RNF170: variants seen among roughly 807,000 people sequenced by gnomAD.
The protein encoded by RNF170 is E3 ubiquitin-protein ligase RNF170.
In RNF170, 12 loss-of-function variants were observed where a neutral mutation model predicts 32.7. The observed-to-expected ratio is 0.37, with a 90% CI of 0.24 to 0.60. The LOEUF (loss-of-function observed/expected upper bound fraction) is 0.60, where lower values mean the gene tolerates loss of function less well. RNF170 is among the 20% of genes least tolerant of loss of function. RNF170 has a pLI of 0.72. For synonymous variants in RNF170, 91 were observed against 103.6 expected, an observed-to-expected ratio of 0.88 and a Z score of 0.74; for missense variants, 212 against 311.2, an observed-to-expected ratio of 0.68 and a Z score of 2.40.
chr8:42,869,663 G>C (rs1467702815), intron 4 of RNF170, among the ~76,000 whole-genome samples: 1 of 152,164 alleles, frequency 6.6e-6, no homozygotes, highest in African/African-American at 2.4e-5. Context: ...GTCCCAAAAA[G>C]TGATGAACAA....
chr8:42,851,113 C>T (rs191845559), downstream of RNF170: 2,757 of 1,443,552 alleles, frequency 1.9e-3, 4 homozygotes, highest in Non-Finnish European at 1.8e-3. Flanking sequence ...TCATGCCCTC[C>T]TTCCAGCTCC....
At position 42,854,713 on chromosome 8, in the gene RNF170, T is replaced by C; in HGVS notation, c.*1446A>G. The C allele has an allele frequency of 7.8e-7, 1 of 1,287,444 alleles. No homozygotes were observed. The highest frequency in any genetic ancestry group is 1.2e-5 in the South Asian group (1 of 80,940). 79.8% of individuals were successfully genotyped at this position (1,287,444 alleles called of 1,614,324 possible). A position where few individuals can be genotyped will look rare whatever the true frequency, so the allele number is the denominator to read the frequency against. ...CTCACTAATAAATTAATGGATGATATTAATAGCAGTGATCTCAGATGACAA... is the reference window on the plus strand; with the variant it reads ...CTCACTAATAAATTAATGGATGATACTAATAGCAGTGATCTCAGATGACAA... On this transcript the variant is annotated 3_prime_UTR_variant, in exon 7 of 7. Transcript: ENST00000527424.
At chr8:42,883,888 T>C (rs1433636794) in intron 2 of RNF170, among the ~76,000 whole-genome samples, 3 of 152,036 alleles carry the variant, frequency 2.0e-5, no homozygotes, top group African/African-American at 4.8e-5. Context: ...CCTTCCCCAA[T>C]ACATCATGAT....
chr8:42,887,797 C>T lies in RNF170; in HGVS notation c.68G>A (p.Ser23Asn). The T allele has an allele frequency of 6.2e-7, 1 of 1,613,760 alleles. No homozygotes were observed. Among genetic ancestry groups the T allele is most frequent in the Non-Finnish European group, 8.5e-7 (1 of 1,179,640 alleles). The change falls in exon 2 of 7, where the codon AGC becomes AAC. Residue 23 changes from serine to asparagine, a missense_variant. Physicochemically the swap from Ser to Asn is conservative, Grantham distance 46. Transcript: ENST00000527424. ...CACAACTGCCACAAGTACTTGGTCG[C>T]TTACTCCTTCTATAACTGAATCATC... ...LDDDSVIEGVSDQVLVAVVVS... is the reference protein window; with the variant it reads ...LDDDSVIEGVNDQVLVAVVVS...
intron 2 of RNF170, among the ~76,000 whole-genome samples, chr8:42,876,657 GTTTTTTTTTTT>G (rs541650996): frequency 8.1e-6 from 1 of 123,030 alleles, no homozygotes; most frequent in African/African-American, 3.2e-5. Flanking sequence ...TTTTTTGTGG[GTTTTTTTTTTT>G]TTTTTTTTTG....
chr8:42,860,962 C>T (rs1048672589), intron 6 of RNF170, among the ~76,000 whole-genome samples: 2 of 152,208 alleles, frequency 1.3e-5, no homozygotes, highest in East Asian at 1.9e-4. Flanking sequence ...AGGTGATCCA[C>T]CCGCCTCGGC....
chr8:42,896,873 C>T (rs1252135813), upstream of RNF170: 3 of 317,398 alleles, frequency 9.5e-6, no homozygotes, highest in Non-Finnish European at 1.7e-5. Context: ...GCGGTGTGGG[C>T]GGCCGGGGGC....
At chr8:42,892,120 C>T (rs1456078289) in intron 1 of RNF170, among the ~76,000 whole-genome samples, 1 of 152,196 alleles carries the variant, frequency 6.6e-6, no homozygotes, top group Non-Finnish European at 1.5e-5. Context: ...CTGCTAAACA[C>T]TCTCACTACA....
Position 42,861,950 on chromosome 8 carries a change from A to G in RNF170, c.397-95T>C, listed in dbSNP as rs1296485716. 8 of 1,301,492 alleles carry G rather than the reference A, an allele frequency of 6.1e-6. No individual in the cohort carries two copies. In the East Asian group the frequency reaches 1.0e-4, roughly 17 times the overall value. 80.6% of individuals were successfully genotyped at this position (1,301,492 alleles called of 1,614,324 possible). ...ATTCAATAGAATGATAAAGGCTTCTATATTTATATTTCACTCATTTTTAAA... is the reference window on the plus strand; with the variant it reads ...ATTCAATAGAATGATAAAGGCTTCTGTATTTATATTTCACTCATTTTTAAA... On this transcript the variant is annotated intron_variant, in intron 5 of 6. Transcript: ENST00000527424.
chr8:42,872,780 T>G (rs62515910), intron 3 of RNF170, among the ~76,000 whole-genome samples: 7,225 of 152,094 alleles, frequency 0.048, 232 homozygotes, highest in South Asian at 0.082. Flanking sequence ...ATAAGTTCCA[T>G]GAGGGTAGGA....
rs1027654913 is a variant in RNF170 at position 42,855,051 on chromosome 8, G to C, written c.*1108C>G. On this transcript the variant is annotated 3_prime_UTR_variant, in exon 7 of 7. Coordinates refer to ENST00000527424, the MANE Select transcript of RNF170 (RefSeq NM_030954.4). ...CTATTGGCTTGATGCTCAAAGACAC[G>C]AAGATTCACCTTCCTCAGAAATGCA... 20 of 1,286,994 alleles carry C rather than the reference G, an allele frequency of 1.6e-5. No individual in the cohort carries two copies. The highest frequency in any genetic ancestry group is 2.0e-5 in the Non-Finnish European group (20 of 988,676). The allele number at this position is 1,286,994 out of a possible 1,614,324, so 79.7% of individuals were successfully genotyped here.
At chr8:42,865,389 T>C in intron 5 of RNF170, 27 bp downstream of exon 5, 1 of 1,545,560 alleles carries the variant, frequency 6.5e-7, no homozygotes, top group Non-Finnish European at 8.9e-7. Context: ...CTAGCATAAA[T>C]GATACTTTCT....
chr8:42,856,418 C>A lies in RNF170; in HGVS notation c.518G>T (p.Arg173Ile), dbSNP rs1353134544. The A allele has an allele frequency of 6.8e-6, 11 of 1,610,802 alleles. No individual in the cohort carries two copies. In the Admixed American group the frequency reaches 1.8e-4, roughly 27 times the overall value. The change falls in exon 7 of 7, where the codon AGA becomes ATA. Residue 173 changes from arginine (R) to isoleucine (I), a missense_variant. Physicochemically the swap from Arg to Ile is moderately conservative, Grantham distance 97. Transcript: ENST00000527424. ...CAGTAAAGTGGGTAGATCCATAATT[C>A]TCTCCATAATCTGGTAGAGGGAAAA... The part of the protein sequence containing the change: ...FSGQPRSIME[R>I]IMDLPTLLRH...
At chr8:42,885,195 A>G (rs1805722412) in intron 2 of RNF170, among the ~76,000 whole-genome samples, 1 of 152,014 alleles carries the variant, frequency 6.6e-6, no homozygotes, top group Non-Finnish European at 1.5e-5. Context: ...AGGTGCATCC[A>G]TGTTGTTGAA....
Position 42,866,669 on chromosome 8 carries a change from G to T in RNF170, c.323-1180C>A, listed in dbSNP as rs546547271. ...CTGCCCTAATGAAGTTTAGAATCCA[G>T]TTCAAGAATTGAATCAACTCTTGCA... On this transcript the variant is annotated intron_variant, in intron 4 of 6. Transcript: ENST00000527424. 7.4e-4 allele frequency among the ~76,000 whole-genome samples: 113 copies of T among 152,054 alleles called. 1 individual carries two copies. The highest frequency in any genetic ancestry group is 4.8e-3 in the South Asian group (23 of 4,822).
chr8:42,866,468 A>G (rs1294587815), intron 4 of RNF170, among the ~76,000 whole-genome samples: 1 of 151,922 alleles, frequency 6.6e-6, no homozygotes, highest in Non-Finnish European at 1.5e-5. Context: ...AGGAGATCCC[A>G]GCTACTTGGG....
At chr8:42,868,210 G>A (rs558754591) in intron 4 of RNF170, among the ~76,000 whole-genome samples, 2 of 152,274 alleles carry the variant, frequency 1.3e-5, no homozygotes, top group Admixed American at 6.5e-5. Context: ...AGAGCACAAG[G>A]TACAGGAAAC....
intron 6 of RNF170, among the ~76,000 whole-genome samples, chr8:42,858,277 T>G (rs1002005543): frequency 6.6e-6 from 1 of 152,132 alleles, no homozygotes; most frequent in African/African-American, 2.4e-5. Flanking sequence ...ATCTACCCAT[T>G]ATCATCCATA....
intron 1 of RNF170, among the ~76,000 whole-genome samples, chr8:42,889,858 A>G (rs1806151920): frequency 6.6e-6 from 1 of 152,192 alleles, no homozygotes; most frequent in Admixed American, 6.5e-5. Context: ...TTATTTCATC[A>G]GGTTTCCTCT....
Sources: allele counts gnomAD v4.1 joint callset (sites outside exome capture counted in the v4.1 genomes callset), GRCh38; gene constraint gnomAD v4.1.1; transcripts MANE v1.5; gene names NCBI Gene and HGNC (gene_info 2026-07-23, HGNC 2026-07-21).